The following ABCA13 variants were observed in gnomAD, a reference collection of about 807,000 sequenced individuals.
ABCA13 encodes ATP-binding cassette sub-family A member 13.
Under a neutral mutation model 478.7 loss-of-function variants are expected in ABCA13, and 476 were observed. The ratio of observed to expected loss-of-function variants is 0.99; its 90% CI spans 0.92 to 1.07. The LOEUF is 1.07. Ranked by LOEUF, ABCA13 falls within the 50% of genes least tolerant of loss-of-function variation. The pLI is 0.00. For synonymous variants in ABCA13, 2,252 were observed against 2,158.9 expected (o/e 1.04, Z -1.20); for missense variants, 6,060 against 5,910.6 (o/e 1.03, Z -0.83).
At chr7:48,184,760 C>T (rs768997444) in intron 1 of ABCA13, among the ~76,000 whole-genome samples, 33 of 152,164 alleles carry the variant, frequency 2.2e-4, no homozygotes, top group African/African-American at 6.3e-4. Context: ...GCGGAGATTG[C>T]GGTGAGCTGA....
intron 27 of ABCA13, among the ~76,000 whole-genome samples, chr7:48,332,840 T>C (rs957880677): frequency 6.6e-6 from 1 of 152,174 alleles, no homozygotes; most frequent in African/African-American, 2.4e-5. Flanking sequence ...AGGTAACATG[T>C]TATGGTTCTC....
intron 55 of ABCA13, among the ~76,000 whole-genome samples, chr7:48,572,660 A>G (rs1787783808): frequency 6.6e-6 from 1 of 152,190 alleles, no homozygotes; most frequent in Non-Finnish European, 1.5e-5. Flanking sequence ...AATAGTTACT[A>G]AAATTTTGTG....
intron 42 of ABCA13, among the ~76,000 whole-genome samples, chr7:48,446,047 G>T (rs1824257280): frequency 6.6e-6 from 1 of 151,994 alleles, no homozygotes; most frequent in Non-Finnish European, 1.5e-5. Flanking sequence ...CAACTGATGT[G>T]GTCCCACTGA....
intron 31 of ABCA13, among the ~76,000 whole-genome samples, chr7:48,366,209 G>A (rs758369608): frequency 4.6e-5 from 7 of 152,018 alleles, no homozygotes; most frequent in Non-Finnish European, 8.8e-5. Flanking sequence ...ACTGTGACCC[G>A]TGTTCTGCTT....
chr7:48,247,627 C>T (rs1413581211), intron 13 of ABCA13, among the ~76,000 whole-genome samples: 7 of 152,142 alleles, frequency 4.6e-5, no homozygotes, highest in South Asian at 2.1e-4. Context: ...GTCAGATGGC[C>T]GTGAGGGCTG....
At chr7:48,230,087 G>A in intron 7 of ABCA13, 132 bp downstream of exon 7, 1 of 1,133,878 alleles carries the variant, frequency 8.8e-7, no homozygotes. Context: ...AGTATGAATT[G>A]TTTCTGTTAA....
At chr7:48,191,058 T>C (rs1416039237) in intron 1 of ABCA13, among the ~76,000 whole-genome samples, 1 of 147,056 alleles carries the variant, frequency 6.8e-6, no homozygotes, top group East Asian at 2.1e-4. Flanking sequence ...CAAGTTATCA[T>C]TTAATATGAG....
chr7:48,437,439 A>T (rs538783960), intron 42 of ABCA13, among the ~76,000 whole-genome samples: 1 of 152,166 alleles, frequency 6.6e-6, no homozygotes, highest in South Asian at 2.1e-4. Flanking sequence ...TGTAGAAGGC[A>T]TGCATTTGGA....
At chr7:48,431,342 A>AAACAACAACAAC (rs56675430) in intron 42 of ABCA13, among the ~76,000 whole-genome samples, 220 of 148,036 alleles carry the variant, frequency 1.5e-3, no homozygotes, top group African/African-American at 3.2e-3. Flanking sequence ...ATTCTGTCTC[A>AAACAACAACAAC]AACAACAACA....
intron 37 of ABCA13, among the ~76,000 whole-genome samples, chr7:48,391,598 G>A (rs529544555): frequency 6.6e-6 from 1 of 152,336 alleles, no homozygotes; most frequent in African/African-American, 2.4e-5. Context: ...AAGCTGTGAT[G>A]TTAGGTAGGT....
chr7:48,427,635 G>C (rs543029342), intron 41 of ABCA13, 131 bp from the exon 42 acceptor site: 3 of 623,636 alleles, frequency 4.8e-6, no homozygotes, highest in South Asian at 3.9e-5. Flanking sequence ...TAAATGGATG[G>C]CTAAATGAAA....
chr7:48,470,086 G>A (rs1161333830), intron 44 of ABCA13, among the ~76,000 whole-genome samples: 3 of 152,198 alleles, frequency 2.0e-5, no homozygotes, highest in Non-Finnish European at 4.4e-5. Context: ...GCTTTGCTAA[G>A]TCAAAGTGTA....
intron 1 of ABCA13, among the ~76,000 whole-genome samples, chr7:48,186,182 T>G (rs1796328719): frequency 6.6e-6 from 1 of 152,086 alleles, no homozygotes; most frequent in African/African-American, 2.4e-5. Context: ...ATAGTGAGTT[T>G]AATCTAAGCA....
intron 61 of ABCA13, among the ~76,000 whole-genome samples, chr7:48,645,035 T>C (rs1412818939): frequency 6.6e-6 from 1 of 152,174 alleles, no homozygotes; most frequent in Non-Finnish European, 1.5e-5. Context: ...ATCTCCACCT[T>C]ACTCAGCCCC....
At chr7:48,309,597 G>A (rs1332096448) in intron 23 of ABCA13, among the ~76,000 whole-genome samples, 1 of 152,098 alleles carries the variant, frequency 6.6e-6, no homozygotes, top group Non-Finnish European at 1.5e-5. Flanking sequence ...TCAGACAAAC[G>A]AGACACAGAT....
intron 27 of ABCA13, among the ~76,000 whole-genome samples, chr7:48,323,758 C>T (rs1803878061): frequency 6.6e-6 from 1 of 152,182 alleles, no homozygotes; most frequent in African/African-American, 2.4e-5. Context: ...GCTGTGCCCC[C>T]ACCCACATCT....
chr7:48,469,919 CA>C (rs5884046), intron 44 of ABCA13, among the ~76,000 whole-genome samples: 2,760 of 134,194 alleles, frequency 0.021, 79 homozygotes, highest in African/African-American at 0.068. Context: ...GACTCCATCT[CA>C]AAAAAAAAAA....
At chr7:48,518,523 TA>T (rs375934120) in intron 52 of ABCA13, among the ~76,000 whole-genome samples, 27 of 150,044 alleles carry the variant, frequency 1.8e-4, no homozygotes, top group African/African-American at 4.9e-4. Context: ...GCTTACTTGT[TA>T]AAAAAAAAAT....
chr7:48,609,885 A>G (rs1270544758), intron 58 of ABCA13, among the ~76,000 whole-genome samples: 4 of 152,190 alleles, frequency 2.6e-5, no homozygotes, highest in African/African-American at 9.7e-5. Flanking sequence ...CCATGATCAA[A>G]TCATCTCCGG....
Sources: gnomAD v4.1 joint callset for allele counts (sites outside exome capture counted in the v4.1 genomes callset) on GRCh38, gnomAD v4.1.1 for gene constraint, MANE v1.5 for transcripts, NCBI Gene and HGNC (gene_info 2026-07-23, HGNC 2026-07-21) for gene names.